NTN5: variants seen among roughly 807,000 people sequenced by gnomAD.
NTN5 encodes the protein netrin 5.
A neutral mutation model predicts 38.7 loss-of-function variants in NTN5; 42 were observed. The ratio of observed to expected loss-of-function variants is 1.08; its 90% CI spans 0.85 to 1.40. The LOEUF (loss-of-function observed/expected upper bound fraction) is 1.40. NTN5 is among the 40% of genes most tolerant of loss of function. The pLI is 0.00. For missense variants in NTN5, 658 were observed against 716.5 expected, an observed-to-expected ratio of 0.92 and a Z score of 0.93; for synonymous variants, 329 against 303.9, an observed-to-expected ratio of 1.08 and a Z score of -0.86.
rs1441891267 is a variant in NTN5 at position 48,670,516 on chromosome 19, G to C, written c.471C>G (p.Cys157Trp). The change falls in exon 2 of 7, where the codon TGC (cysteine) becomes TGG (tryptophan). Residue 157 changes from cysteine (C) to tryptophan (W), a missense_variant. Cys to Trp is a radical substitution (Grantham distance 215). Transcript: ENST00000270235. ...AGCGGGCAGCGTGGCCATGACACTGGCAGCGGCCTCTCAGCCCAGCTGCCG... is the reference window on the plus strand; with the variant it reads ...AGCGGGCAGCGTGGCCATGACACTGCCAGCGGCCTCTCAGCCCAGCTGCCG... ...GLAAAGLRGR[C>W]QCHGHAARCA... 3 of 1,485,872 alleles carry C rather than the reference G, an allele frequency of 2.0e-6. No homozygotes were observed. In the Admixed American group the frequency reaches 7.2e-5, roughly 36 times the overall value. 92.0% of individuals were successfully genotyped at this position (1,485,872 alleles called of 1,614,324 possible).
At chr19:48,664,451 C>G in intron 3 of NTN5, 128 bp downstream of exon 3, 6 of 1,311,950 alleles carry the variant, frequency 4.6e-6, no homozygotes, top group Non-Finnish European at 4.1e-6. Context: ...CCCTCAGGCC[C>G]AGAGTCCAGG....
chr19:48,672,995 G>A lies in NTN5; in HGVS notation c.-84C>T, dbSNP rs1468573269. ...GCAGGCTCTTCCTCCAAGCTGTGGCGCGGTGGGCTCTCAGGAGGGAGTGGC... is the reference window on the plus strand; with the variant it reads ...GCAGGCTCTTCCTCCAAGCTGTGGCACGGTGGGCTCTCAGGAGGGAGTGGC... On this transcript the variant is annotated 5_prime_UTR_variant, in exon 1 of 7. Coordinates refer to ENST00000270235, the MANE Select transcript of NTN5 (RefSeq NM_145807.4). 5.4e-5 allele frequency: 17 copies of A among 316,192 alleles called. No homozygotes were observed. Among genetic ancestry groups the A allele is most frequent in the Admixed American group, 3.8e-4 (10 of 26,488 alleles). 19.6% of individuals were successfully genotyped at this position (316,192 alleles called of 1,614,324 possible). A position where few individuals can be genotyped will look rare whatever the true frequency, so the allele number is the denominator to read the frequency against.
intron 3 of NTN5, 38 bp from the exon 4 acceptor site, chr19:48,664,330 G>A: frequency 1.3e-6 from 2 of 1,595,700 alleles, no homozygotes; most frequent in Non-Finnish European, 1.7e-6. Context: ...GGGGTATCAG[G>A]GCCCCAGATG....
rs1568452263 is a variant in NTN5 at position 48,669,579 on chromosome 19, C to CCAT, written c.631+776_631+777insATG. Among the ~76,000 whole-genome samples, 336 of 36,922 alleles carry CCAT rather than the reference C, an allele frequency of 9.1e-3. 89 individuals carry two copies. Among genetic ancestry groups the CCAT allele is most frequent in the African/African-American group, 0.051 (310 of 6,094 alleles). 24.2% of individuals were successfully genotyped at this position (36,922 alleles called of 152,430 possible). On this transcript the variant is annotated intron_variant, in intron 2 of 6. Coordinates refer to ENST00000270235, the MANE Select transcript of NTN5 (RefSeq NM_145807.4). ...ATCACCACCACCATCACCACCATCA[C>CCAT]CACCACGACCACCATCACCACCACC... is the stretch of plus-strand genomic sequence containing the variant.
Position 48,670,746 on chromosome 19 carries a change from G to A in NTN5, c.241C>T (p.Arg81Cys), listed in dbSNP as rs376960270. ...GPFLLTSVSLRFCTPGPPALI... is the reference protein window; with the variant it reads ...GPFLLTSVSLCFCTPGPPALI... ...GCTGGGGGTCCTGGGGTACAGAAGC[G>A]CAAGCTGACAGATGTCAGGAGGAAG... The change falls in exon 2 of 7, where the codon CGC becomes TGC. Residue 81 changes from arginine (R) to cysteine (C), a missense_variant. Arg to Cys is a radical substitution (Grantham distance 180, BLOSUM62 -3). Transcript: ENST00000270235. 1.7e-5 allele frequency: 28 copies of A among 1,612,790 alleles called. No individual in the cohort carries two copies. In the East Asian group the frequency reaches 2.5e-4, roughly 14 times the overall value.
chr19:48,661,524 C>T lies in NTN5; in HGVS notation c.*153G>A. The T allele has an allele frequency of 2.1e-6, 2 of 971,778 alleles. No individual in the cohort carries two copies. The highest frequency in any genetic ancestry group is 1.4e-6 in the Non-Finnish European group (1 of 735,620). The allele number at this position is 971,778 out of a possible 1,614,324, so 60.2% of individuals were successfully genotyped here. A position where few individuals can be genotyped will look rare whatever the true frequency, so the allele number is the denominator to read the frequency against. On this transcript the variant is annotated 3_prime_UTR_variant, in exon 7 of 7. Transcript: ENST00000270235. Reference sequence around the variant, plus strand: ...CGCTTGCCGCCTTTTGCTAAAAGTTCCGCACGCCTGCTCGGCGTGGGCGCA... The same window carrying T: ...CGCTTGCCGCCTTTTGCTAAAAGTTTCGCACGCCTGCTCGGCGTGGGCGCA...
chr19:48,663,677 C>G lies in NTN5; in HGVS notation c.1024+84G>C, dbSNP rs2031610424. On this transcript the variant is annotated intron_variant, in intron 5 of 6. Transcript: ENST00000270235. Reference sequence around the variant, plus strand: ...CTTTGGGACTGGGCTCAATGGGTGACCCATGTATCCCCATCTGGGGACCCA... The same window carrying G: ...CTTTGGGACTGGGCTCAATGGGTGAGCCATGTATCCCCATCTGGGGACCCA... 3.3e-6 allele frequency: 5 copies of G among 1,506,472 alleles called. No homozygotes were observed. In the Admixed American group the frequency reaches 8.4e-5, roughly 25 times the overall value. The allele number at this position is 1,506,472 out of a possible 1,614,324, so 93.3% of individuals were successfully genotyped here.
intron 2 of NTN5, among the ~76,000 whole-genome samples, chr19:48,669,522 C>T (rs1388275142): frequency 2.9e-5 from 2 of 68,286 alleles, no homozygotes; most frequent in Non-Finnish European, 3.0e-5. Flanking sequence ...ATCACCACCA[C>T]CACCATCACC....
At position 48,670,894 on chromosome 19, in the gene NTN5, C is replaced by T. The variant is rs763235896; in HGVS notation, c.93G>A (p.Pro31=). Residue 31 remains proline, a synonymous_variant, in exon 2 of 7, where the codon CCG becomes CCA. Transcript: ENST00000270235. Reference sequence around the variant, plus strand: ...CCACGGCAGCCAGCTGTGTCACTGGCGGGAGGCAGAATTGGGGGCGGCCCT... The same window carrying T: ...CCACGGCAGCCAGCTGTGTCACTGGTGGGAGGCAGAATTGGGGGCGGCCCT... ...DPQGRPQFCL[P]PVTQLAAVAA... 1.3e-5 allele frequency: 21 copies of T among 1,607,712 alleles called. No individual in the cohort carries two copies. The East Asian group carries it at 1.8e-4, about 14-fold the overall frequency.
chr19:48,671,902 G>A (rs2031972969), intron 1 of NTN5, among the ~76,000 whole-genome samples: 1 of 150,108 alleles, frequency 6.7e-6, no homozygotes, highest in African/African-American at 2.5e-5. Flanking sequence ...AAGGGATGCT[G>A]GGAGCTGGAA....
intron 2 of NTN5, 95 bp from the exon 3 acceptor site, chr19:48,664,862 G>C: frequency 9.2e-7 from 1 of 1,092,136 alleles, no homozygotes; most frequent in Non-Finnish European, 1.2e-6. Context: ...ATGAAAGGAA[G>C]CCGTGAGTGT....
At chr19:48,665,000 C>T (rs1228323086) in intron 2 of NTN5, among the ~76,000 whole-genome samples, 1 of 152,000 alleles carries the variant, frequency 6.6e-6, no homozygotes, top group Non-Finnish European at 1.5e-5. Flanking sequence ...GCAACCTCCA[C>T]TTCCCAGGTT....
intron 2 of NTN5, among the ~76,000 whole-genome samples, chr19:48,669,366 TCAC>T (rs2031821268): frequency 2.3e-4 from 1 of 4,290 alleles, no homozygotes; most frequent in Admixed American, 3.0e-3. Flanking sequence ...ACCACCACCA[TCAC>T]CACCACCACC....
At chr19:48,669,847 T>TACCATC (rs2031885000) in intron 2 of NTN5, among the ~76,000 whole-genome samples, 2 of 16,740 alleles carry the variant, frequency 1.2e-4, no homozygotes, top group Admixed American at 9.5e-4. Flanking sequence ...TCACCACCAC[T>TACCATC]ACCATCACCA....
At chr19:48,663,863 C>G in intron 4 of NTN5, 49 bp from the exon 5 acceptor site, 1 of 1,565,358 alleles carries the variant, frequency 6.4e-7, no homozygotes. Flanking sequence ...CCCCCAGGAT[C>G]CCCTCGCCCC....
rs2031907578 is a variant in NTN5, at chr19:48,669,994, C to T, written c.631+362G>A. 3.6e-5 allele frequency among the ~76,000 whole-genome samples: 5 copies of T among 137,930 alleles called. No individual in the cohort carries two copies. The South Asian group carries it at 7.3e-4, about 20-fold the overall frequency. 90.5% of individuals were successfully genotyped at this position (137,930 alleles called of 152,430 possible). A position where few individuals can be genotyped will look rare whatever the true frequency, so the allele number is the denominator to read the frequency against. On this transcript the variant is annotated intron_variant, in intron 2 of 6. Coordinates refer to ENST00000270235, the MANE Select transcript of NTN5 (RefSeq NM_145807.4). ...CCATCATCACCATCATCACCACCAC[C>T]ATCACCATCACCACCATCATCACCA...
chr19:48,661,957 TG>T lies in NTN5; in HGVS notation c.1189del (p.Gln397SerfsTer20). ...LAVRVLAVYKQRAQPVRRGDQ... is the reference protein window; with the variant it reads ...LAVRVLAVYKXRAQPVRRGDQ... Reference sequence around the variant, plus strand: ...GCCGCGTCGCACGGGCTGCGCCCGCTGCTTGTAAACGGCCAGCACGCGCACG... The same window carrying T: ...GCCGCGTCGCACGGGCTGCGCCCGCTCTTGTAAACGGCCAGCACGCGCACG... On this transcript the variant is annotated frameshift_variant, in exon 7 of 7. Transcript: ENST00000270235. LOFTEE classifies it low-confidence loss of function (END_TRUNC). The T allele has an allele frequency of 6.9e-7, 1 of 1,452,330 alleles. No individual in the cohort carries two copies. Among genetic ancestry groups the T allele is most frequent in the Non-Finnish European group, 9.0e-7 (1 of 1,110,002 alleles). 90.0% of individuals were successfully genotyped at this position (1,452,330 alleles called of 1,614,324 possible).
In NTN5 at chr19:48,671,535, G is replaced by A. The variant is rs530874600; in HGVS notation, c.-20-529C>T. Among the ~76,000 whole-genome samples the A allele has an allele frequency of 2.6e-5, 4 of 152,132 alleles. No individual in the cohort carries two copies. The East Asian group carries it at 5.8e-4, about 22-fold the overall frequency. Reference sequence around the variant, plus strand: ...GCTGAGAGGCTGAGACAGAGGCCAGGCACCCAGAGGCCACAGGGAGCTGGG... The same window carrying A: ...GCTGAGAGGCTGAGACAGAGGCCAGACACCCAGAGGCCACAGGGAGCTGGG... On this transcript the variant is annotated intron_variant, in intron 1 of 6. Transcript: ENST00000270235.
In NTN5 at chr19:48,670,688, C is replaced by A. The variant is rs373276925; in HGVS notation, c.299G>T (p.Gly100Val). 9 of 1,610,190 alleles carry A rather than the reference C, an allele frequency of 5.6e-6. No homozygotes were observed. The highest frequency in any genetic ancestry group is 7.6e-6 in the Non-Finnish European group (9 of 1,178,776). ...LILSAAWASG[G>V]PWRLLWHRPA... ...CCTGTGCCACAGCAGCCTCCAGGGA[C>A]CCCCTGAGGCCCAGGCAGCAGACAG... The change falls in exon 2 of 7, where the codon GGT (glycine) becomes GTT (valine). Residue 100 changes from glycine to valine, a missense_variant. Physicochemically the swap from Gly to Val is moderately radical, Grantham distance 109. Transcript: ENST00000270235.
Sources: gnomAD v4.1 joint callset for allele counts (sites outside exome capture counted in the v4.1 genomes callset) on GRCh38, gnomAD v4.1.1 for gene constraint, MANE v1.5 for transcripts, NCBI Gene and HGNC (gene_info 2026-07-23, HGNC 2026-07-21) for gene names.